ABR: variants seen among roughly 807,000 people sequenced by gnomAD.
ABR encodes the protein ABR activator of RhoGEF and GTPase, also known as active breakpoint cluster region-related protein.
A neutral mutation model predicts 107.2 loss-of-function variants in ABR; 35 were observed. That is an observed-to-expected ratio of 0.33 (90% CI 0.25 to 0.43). The LOEUF is 0.43. ABR is among the 20% of genes least tolerant of loss of function. The probability of loss-of-function intolerance (pLI) is 1.00; values close to 1 mark genes in which losing one functional copy is unlikely to be tolerated. For missense variants in ABR, 815 were observed against 1,115.2 expected (o/e 0.73, Z 3.83); for synonymous variants, 498 against 462.0 (o/e 1.08, Z -1.00).
intron 2 of ABR, among the ~76,000 whole-genome samples, chr17:1,101,633 T>C (rs2037872765): frequency 6.6e-6 from 1 of 152,176 alleles, no homozygotes; most frequent in Non-Finnish European, 1.5e-5. Context: ...TCAATAAATA[T>C]TTACTGAATG....
At chr17:1,217,797 C>T (rs1400480770) in intron 1 of ABR, among the ~76,000 whole-genome samples, 3 of 152,152 alleles carry the variant, frequency 2.0e-5, no homozygotes, top group South Asian at 4.1e-4. Flanking sequence ...CAGGTTCAAG[C>T]GATTCTCCTG....
intron 9 of ABR, among the ~76,000 whole-genome samples, chr17:1,068,626 G>A (rs1407734003): frequency 2.0e-5 from 3 of 152,356 alleles, no homozygotes; most frequent in East Asian, 1.9e-4. Context: ...AACGCAGAAT[G>A]AGCCTCTGCT....
intron 16 of ABR, among the ~76,000 whole-genome samples, chr17:1,038,969 C>T (rs2073405607): frequency 6.6e-6 from 1 of 152,236 alleles, no homozygotes; most frequent in South Asian, 2.1e-4. Context: ...CGGCTTTCGC[C>T]TCGGCGAGTT....
At chr17:1,101,985 G>T (rs533822058) in intron 2 of ABR, among the ~76,000 whole-genome samples, 1 of 151,900 alleles carries the variant, frequency 6.6e-6, no homozygotes, top group Non-Finnish European at 1.5e-5. Flanking sequence ...CGCCCGCCTT[G>T]GCCTCCCAAA....
intron 16 of ABR, among the ~76,000 whole-genome samples, chr17:1,029,114 A>AC (rs2072490214): frequency 6.6e-6 from 1 of 151,958 alleles, no homozygotes; most frequent in South Asian, 2.1e-4. Flanking sequence ...AAAAAAAAAA[A>AC]AAACAAACAG....
Position 1,113,277 on chromosome 17 carries a change from G to GGTTTT in ABR, c.246+11905_246+11906insAAAAC, listed in dbSNP as rs1416563541. 8.5e-3 allele frequency among the ~76,000 whole-genome samples: 747 copies of GGTTTT among 88,140 alleles called. 192 individuals carry two copies. Among genetic ancestry groups the GGTTTT allele is most frequent in the Admixed American group, 0.012 (93 of 8,076 alleles). The allele number at this position is 88,140 out of a possible 152,430, so 57.8% of individuals were successfully genotyped here. ...GGGATAACATGGAAACACCTATTGC[G>GGTTTT]ATTTTTTTTTTTTTTTTTTTTTTTT... On this transcript the variant is annotated intron_variant, in intron 2 of 22. Coordinates refer to ENST00000302538, the MANE Select transcript of ABR (RefSeq NM_021962.5).
At chr17:1,199,463 A>G (rs569774362) in intron 1 of ABR, among the ~76,000 whole-genome samples, 1 of 148,378 alleles carries the variant, frequency 6.7e-6, no homozygotes, top group South Asian at 2.2e-4. Context: ...CAGTGGTGCA[A>G]TCACAGCTCA....
chr17:1,134,390 C>A (rs528338940), intron 1 of ABR, among the ~76,000 whole-genome samples: 4 of 151,314 alleles, frequency 2.6e-5, no homozygotes, highest in African/African-American at 9.7e-5. Flanking sequence ...CCAGCCGGGG[C>A]AACAGAGCAA....
chr17:1,039,117 C>T (rs1013778931), intron 16 of ABR, among the ~76,000 whole-genome samples: 6 of 152,094 alleles, frequency 3.9e-5, no homozygotes, highest in Admixed American at 2.0e-4. Flanking sequence ...TTTGGTCTGT[C>T]GGGAGGCTGG....
chr17:1,177,744 G>A (rs562821960), intron 1 of ABR, among the ~76,000 whole-genome samples: 1 of 152,216 alleles, frequency 6.6e-6, no homozygotes, highest in African/African-American at 2.4e-5. Flanking sequence ...ACATAAGCAC[G>A]CGTGAATCTG....
At chr17:1,224,767 T>A (rs2043182753) in intron 1 of ABR, among the ~76,000 whole-genome samples, 1 of 152,128 alleles carries the variant, frequency 6.6e-6, no homozygotes, top group African/African-American at 2.4e-5. Context: ...CTCGACCTCC[T>A]GGGTTCAAGT....
chr17:1,182,612 C>T (rs1054652412), upstream of ABR, among the ~76,000 whole-genome samples: 7 of 152,254 alleles, frequency 4.6e-5, no homozygotes, highest in Non-Finnish European at 1.0e-4. Context: ...GTGATCCGCC[C>T]GCCTCGGCCT....
chr17:1,048,454 T>A (rs866001807), intron 16 of ABR, among the ~76,000 whole-genome samples: 11 of 152,232 alleles, frequency 7.2e-5, no homozygotes, highest in Admixed American at 2.6e-4. Flanking sequence ...TGACAATGCA[T>A]CAGAGAACAA....
chr17:1,078,958 C>T lies in ABR; in HGVS notation c.700+372G>A, dbSNP rs1044565135. ...CACTCAGCCACCTTGCTGATGCTGC[C>T]GCACGGACTCCAGCATCGGGCAGCC... is the stretch of plus-strand genomic sequence containing the variant. On this transcript the variant is annotated intron_variant, in intron 6 of 22. Transcript: ENST00000302538. The surrounding 1 kb of genome is among the most constrained non-coding windows in gnomAD (Gnocchi z 7.5). The T allele has an allele frequency of 1.3e-5, 19 of 1,517,654 alleles. No homozygotes were observed. The highest frequency in any genetic ancestry group is 1.7e-5 in the Non-Finnish European group (19 of 1,136,148). 94.0% of individuals were successfully genotyped at this position (1,517,654 alleles called of 1,614,324 possible).
At position 1,148,648 on chromosome 17, in the gene ABR, G is replaced by A. The variant is rs558270365; in HGVS notation, c.62-23281C>T. On this transcript the variant is annotated intron_variant, in intron 1 of 22. Coordinates refer to ENST00000302538, the MANE Select transcript of ABR (RefSeq NM_021962.5). The surrounding 1 kb of genome is among the most constrained non-coding windows in gnomAD (Gnocchi z 4.9). ...GAGCCCTGTCGTGATCTGCGCGTGC[G>A]AGGGATCGCAGTTCCATCCCGAAAG... Among the ~76,000 whole-genome samples the A allele has an allele frequency of 2.0e-5, 3 of 152,316 alleles. No homozygotes were observed. Among genetic ancestry groups the A allele is most frequent in the South Asian group, 2.1e-4 (1 of 4,830 alleles).
At position 1,144,985 on chromosome 17, in the gene ABR, T is replaced by C. The variant is rs368714009; in HGVS notation, c.62-19618A>G. On this transcript the variant is annotated intron_variant, in intron 1 of 22. Coordinates refer to ENST00000302538, the MANE Select transcript of ABR (RefSeq NM_021962.5). ...AGTAGGCCAGATGGTGCCACGGCAC[T>C]CCAGCCTGGGTGACAGAGTGAGACT... Among the ~76,000 whole-genome samples the C allele has an allele frequency of 2.6e-5, 4 of 151,660 alleles. No homozygotes were observed. The East Asian group carries it at 5.8e-4, about 22-fold the overall frequency.
intron 1 of ABR, among the ~76,000 whole-genome samples, chr17:1,137,740 G>A (rs969628549): frequency 6.6e-6 from 1 of 152,186 alleles, no homozygotes; most frequent in African/African-American, 2.4e-5. Flanking sequence ...GCTCAACTAA[G>A]CATGGAGGTG....
At chr17:1,160,777 G>C (rs1018153856) in intron 1 of ABR, among the ~76,000 whole-genome samples, 1 of 152,202 alleles carries the variant, frequency 6.6e-6, no homozygotes, top group African/African-American at 2.4e-5. Context: ...TTGAAGAAGT[G>C]GGGGAGGACA....
At chr17:1,061,960 C>CA (rs761113885) in intron 10 of ABR, among the ~76,000 whole-genome samples, 21 of 152,182 alleles carry the variant, frequency 1.4e-4, no homozygotes, top group Admixed American at 2.0e-4. Flanking sequence ...AATGCAATTA[C>CA]AATTCAGTAC....
Sources: gnomAD v4.1 joint callset for allele counts (sites outside exome capture counted in the v4.1 genomes callset) on GRCh38, gnomAD v4.1.1 for gene constraint, Gnocchi (gnomAD v3.1) non-coding constraint, MANE v1.5 for transcripts, NCBI Gene and HGNC (gene_info 2026-07-23, HGNC 2026-07-21) for gene names.